CRTAM: variants seen among roughly 807,000 people sequenced by gnomAD.
The protein encoded by CRTAM is cytotoxic and regulatory T-cell molecule.
Under a neutral mutation model 50.0 loss-of-function variants are expected in CRTAM, and 44 were observed. The ratio of observed to expected loss-of-function variants is 0.88; its 90% CI spans 0.69 to 1.13. The LOEUF is 1.13. CRTAM is among the 50% of genes most tolerant of loss of function. The pLI is 0.00. For synonymous variants in CRTAM, 159 were observed against 169.3 expected, an observed-to-expected ratio of 0.94 and a Z score of 0.47; for missense variants, 448 against 457.5, an observed-to-expected ratio of 0.98 and a Z score of 0.19.
At chr11:122,858,046 A>G (rs560238921) in intron 5 of CRTAM, among the ~76,000 whole-genome samples, 35 of 151,906 alleles carry the variant, frequency 2.3e-4, no homozygotes, top group South Asian at 1.3e-3. Flanking sequence ...TCAAGTTGCT[A>G]GTACTACAGG....
Position 122,854,661 on chromosome 11 carries a change from CA to C in CRTAM, c.490+589del, listed in dbSNP as rs35830458. On this transcript the variant is annotated intron_variant, in intron 4 of 9. Coordinates refer to ENST00000227348, the MANE Select transcript of CRTAM (RefSeq NM_019604.4). The stretch of plus-strand genomic sequence containing the variant: ...CTGGGCAACAGGAGCAAAATTCTAT[CA>C]AAAAAAAAAAAAAGAAGAAGTATAA... Among the ~76,000 whole-genome samples, 421 of 127,632 alleles carry C rather than the reference CA, an allele frequency of 3.3e-3. 2 individuals carry two copies. Among genetic ancestry groups the C allele is most frequent in the African/African-American group, 5.4e-3 (193 of 35,894 alleles). The allele number at this position is 127,632 out of a possible 152,430, so 83.7% of individuals were successfully genotyped here. A position where few individuals can be genotyped will look rare whatever the true frequency, so the allele number is the denominator to read the frequency against.
chr11:122,865,031 T>A (rs571734156), intron 7 of CRTAM, among the ~76,000 whole-genome samples: 117 of 151,974 alleles, frequency 7.7e-4, no homozygotes, highest in South Asian at 4.6e-3. Context: ...TCCCTTTTTT[T>A]TATATATATA....
At chr11:122,871,126 C>A in intron 9 of CRTAM, 143 bp from the exon 10 acceptor site, 2 of 735,186 alleles carry the variant, frequency 2.7e-6, no homozygotes, top group Non-Finnish European at 4.4e-6. Context: ...TGCCTTCAGA[C>A]CATTTATATG....
chr11:122,861,621 A>G (rs1211790079), intron 5 of CRTAM, among the ~76,000 whole-genome samples: 1 of 151,132 alleles, frequency 6.6e-6, no homozygotes, highest in African/African-American at 2.4e-5. Flanking sequence ...TTGTATTTAA[A>G]GTAGAGATGG....
chr11:122,862,523 C>T lies in CRTAM; in HGVS notation c.712C>T (p.Pro238Ser), dbSNP rs765707849. The change falls in exon 6 of 10, where the codon CCA becomes TCA. Residue 238 changes from proline to serine, a missense_variant. Physicochemically the swap from Pro to Ser is moderately conservative, Grantham distance 74. Coordinates refer to ENST00000227348, the MANE Select transcript of CRTAM (RefSeq NM_019604.4). The stretch of plus-strand genomic sequence containing the variant: ...GAGAAACTCTCTATCCTCTCAAGAC[C>T]CACAGCAGCCCACCAGTACTGGTAA... Reference protein sequence around the residue: ...LERNSLSSQDPQQPTSTVSVT... With the variant: ...LERNSLSSQDSQQPTSTVSVT... The T allele has an allele frequency of 5.6e-6, 9 of 1,607,470 alleles. No homozygotes were observed. In the South Asian group the frequency reaches 9.9e-5, roughly 18 times the overall value.
At chr11:122,839,466 G>C (rs1325758925) in intron 1 of CRTAM, among the ~76,000 whole-genome samples, 1 of 152,092 alleles carries the variant, frequency 6.6e-6, no homozygotes, top group African/African-American at 2.4e-5. Flanking sequence ...AAAACTTCGT[G>C]TTTATTTTTA....
At chr11:122,847,814 C>A (rs1365618075) in intron 1 of CRTAM, among the ~76,000 whole-genome samples, 1 of 152,176 alleles carries the variant, frequency 6.6e-6, no homozygotes, top group East Asian at 1.9e-4. Context: ...GGCATAGCTT[C>A]TTTAATTATT....
At chr11:122,843,542 T>G (rs1314442736) in intron 1 of CRTAM, among the ~76,000 whole-genome samples, 1 of 152,122 alleles carries the variant, frequency 6.6e-6, no homozygotes, top group African/African-American at 2.4e-5. Context: ...GAAGCTCAGA[T>G]AGGACTAGGA....
chr11:122,843,139 T>A (rs1337547531), intron 1 of CRTAM, among the ~76,000 whole-genome samples: 2 of 152,228 alleles, frequency 1.3e-5, no homozygotes, highest in Non-Finnish European at 2.9e-5. Flanking sequence ...ATGTGTACTT[T>A]GGTAGATGGC....
chr11:122,863,007 A>T (rs1220389698), intron 6 of CRTAM, among the ~76,000 whole-genome samples: 1 of 152,214 alleles, frequency 6.6e-6, no homozygotes, highest in Non-Finnish European at 1.5e-5. Flanking sequence ...ATCACCTCTG[A>T]AGGCACATCA....
chr11:122,871,327 A>G lies in CRTAM; in HGVS notation c.1110A>G (p.Thr370=). ...CAAAGTTGTACTCAGAAGCAAAAAC[A>G]AAGAGGAAGGAAAATGTACAACATT... ...YITKLYSEAK[T]KRKENVQHSK... Residue 370 remains threonine (T), a synonymous_variant, in exon 10 of 10, where the codon ACA becomes ACG. Coordinates refer to ENST00000227348, the MANE Select transcript of CRTAM (RefSeq NM_019604.4). 1 of 1,613,988 alleles carries G rather than the reference A, an allele frequency of 6.2e-7. No homozygotes were observed. Among genetic ancestry groups the G allele is most frequent in the Non-Finnish European group, 8.5e-7 (1 of 1,179,860 alleles).
chr11:122,848,257 A>T (rs547943308), intron 1 of CRTAM, among the ~76,000 whole-genome samples: 1 of 152,282 alleles, frequency 6.6e-6, no homozygotes, highest in African/African-American at 2.4e-5. Flanking sequence ...CAAAATAGGG[A>T]CTCAATGGCT....
intron 3 of CRTAM, among the ~76,000 whole-genome samples, chr11:122,853,160 C>T (rs942234463): frequency 6.6e-6 from 1 of 151,878 alleles, no homozygotes; most frequent in Non-Finnish European, 1.5e-5. Flanking sequence ...CTCCCCATCC[C>T]AGGTTCAAGC....
intron 4 of CRTAM, 40 bp from the exon 5 acceptor site, chr11:122,855,655 T>G: frequency 6.3e-7 from 1 of 1,590,026 alleles, no homozygotes; most frequent in Non-Finnish European, 8.6e-7. Context: ...CCTCATCCAG[T>G]AGCATTAAAT....
intron 7 of CRTAM, 116 bp from the exon 8 acceptor site, chr11:122,867,293 A>G: frequency 1.1e-6 from 1 of 873,060 alleles, no homozygotes. Flanking sequence ...TCATCTCTTC[A>G]TCTGAGCTGT....
chr11:122,862,073 T>C (rs1017476304), intron 5 of CRTAM, among the ~76,000 whole-genome samples: 6 of 152,106 alleles, frequency 3.9e-5, no homozygotes, highest in Non-Finnish European at 7.4e-5. Context: ...AGCAGGTAAA[T>C]AGCAGCACTG....
Position 122,862,475 on chromosome 11 carries a change from G to A in CRTAM, c.664G>A (p.Glu222Lys). ...TTCCCCTTTCCTAGTTACTGATGAA[G>A]AGACAGCTTCAGATGCTCTGGAGAG... ...FRFEDLVTDEETASDALERNS... is the reference protein window; with the variant it reads ...FRFEDLVTDEKTASDALERNS... The change falls in exon 6 of 10, where the codon GAG becomes AAG. Residue 222 changes from glutamate (E) to lysine (K), a missense_variant. Coordinates refer to ENST00000227348, the MANE Select transcript of CRTAM (RefSeq NM_019604.4). The A allele has an allele frequency of 6.2e-7, 1 of 1,612,364 alleles. No individual in the cohort carries two copies. The highest frequency in any genetic ancestry group is 8.5e-7 in the Non-Finnish European group (1 of 1,178,380).
At chr11:122,854,725 G>A (rs143915187) in intron 4 of CRTAM, among the ~76,000 whole-genome samples, 208 of 150,374 alleles carry the variant, frequency 1.4e-3, no homozygotes, top group Non-Finnish European at 1.8e-3. Context: ...ATATAAAATC[G>A]AAAATATATT....
At chr11:122,865,465 C>A (rs1331929711) in intron 7 of CRTAM, among the ~76,000 whole-genome samples, 1 of 151,904 alleles carries the variant, frequency 6.6e-6, no homozygotes. Flanking sequence ...CTCTGTCTCC[C>A]AGGCCAGGGT....
Sources: gnomAD v4.1 joint callset for allele counts (sites outside exome capture counted in the v4.1 genomes callset) on GRCh38, gnomAD v4.1.1 for gene constraint, MANE v1.5 for transcripts, NCBI Gene and HGNC (gene_info 2026-07-23, HGNC 2026-07-21) for gene names.